Variants in TH observed in about 807,000 individuals in gnomAD.
TH encodes the protein tyrosine 3-monooxygenase.
Under a neutral mutation model 57.4 loss-of-function variants are expected in TH, and 49 were observed. The ratio of observed to expected loss-of-function variants is 0.85; its 90% CI spans 0.68 to 1.08. TH has a LOEUF of 1.08. Ranked by LOEUF, TH falls within the 50% of genes least tolerant of loss-of-function variation. The pLI is 0.00. For missense variants in TH, 720 were observed against 696.7 expected, an observed-to-expected ratio of 1.03 and a Z score of -0.38; for synonymous variants, 330 against 304.5, an observed-to-expected ratio of 1.08 and a Z score of -0.87.
chr11:2,171,566 G>A lies in TH; in HGVS notation c.90+131C>T, dbSNP rs987635049. 209 of 960,498 alleles carry A rather than the reference G, an allele frequency of 2.2e-4. 1 individual carries two copies. The African/African-American group carries it at 2.8e-3, about 13-fold the overall frequency. The allele number at this position is 960,498 out of a possible 1,614,324, so 59.5% of individuals were successfully genotyped here. On this transcript the variant is annotated intron_variant, in intron 1 of 12. Coordinates refer to ENST00000352909, the MANE Select transcript of TH (RefSeq NM_000360.4). This position sits in a 1 kb window ranked among gnomAD's most constrained non-coding sequence, Gnocchi z 8.6. Reference sequence around the variant, plus strand: ...GCTGTGCCCAGGCCTCCACATCCACGCCGCGTCCCAGGGGTTTGCATGGAC... The same window carrying A: ...GCTGTGCCCAGGCCTCCACATCCACACCGCGTCCCAGGGGTTTGCATGGAC...
chr11:2,166,142 C>T, intron 9 of TH, 84 bp from the exon 10 acceptor site: 1 of 1,431,800 alleles, frequency 7.0e-7, no homozygotes, highest in East Asian at 2.5e-5. Context: ...TCAGCAGCCC[C>T]TCCAGGGGTC....
chr11:2,165,117 TTTTC>T (rs2133688499), intron 12 of TH, 111 bp downstream of exon 12: 1 of 1,538,438 alleles, frequency 6.5e-7, no homozygotes, highest in African/African-American at 1.4e-5. Flanking sequence ...CAGGGGTCGG[TTTTC>T]TCATCTGTGA....
At chr11:2,167,199 G>C in intron 6 of TH, 167 bp from the exon 7 acceptor site, 4 of 1,131,324 alleles carry the variant, frequency 3.5e-6, no homozygotes, top group Non-Finnish European at 4.9e-6. Flanking sequence ...TGGCTTTAGG[G>C]AATCCCAGGG....
rs1260654495 is a variant in TH, at chr11:2,166,720, C to T, written c.890G>A (p.Arg297Gln). 5.2e-6 allele frequency: 8 copies of T among 1,551,518 alleles called. No individual in the cohort carries two copies. The highest frequency in any genetic ancestry group is 7.0e-6 in the Non-Finnish European group (8 of 1,147,652). ...LRPVAGLLSARDFLASLAFRV... is the reference protein window; with the variant it reads ...LRPVAGLLSAQDFLASLAFRV... ...GAAGGCCAGGCTGGCCAGGAAGTCCCGGGCGGACAGCAGGCCGGCCACAGG... is the reference window on the plus strand; with the variant it reads ...GAAGGCCAGGCTGGCCAGGAAGTCCTGGGCGGACAGCAGGCCGGCCACAGG... Residue 297 changes from arginine (R) to glutamine (Q), a missense_variant, in exon 8 of 13, where the codon CGG (arginine) becomes CAG (glutamine). Transcript: ENST00000352909.
In TH at chr11:2,168,685, AAG is replaced by A. The variant is rs771920445; in HGVS notation, c.313-22_313-21del. On this transcript the variant is annotated intron_variant, in intron 2 of 12. Transcript: ENST00000352909. ...AAACGTCTTAGGGAGCAAAAGCAGG[AAG>A]AGAGAGAGAAGGAGAAAGAGACAGA... is the stretch of plus-strand genomic sequence containing the variant. 13 of 1,374,468 alleles carry A rather than the reference AAG, an allele frequency of 9.5e-6. No homozygotes were observed. The highest frequency in any genetic ancestry group is 4.4e-5 in the East Asian group (1 of 22,934). The allele number at this position is 1,374,468 out of a possible 1,614,324, so 85.1% of individuals were successfully genotyped here.
rs759914498 is a variant in TH, at chr11:2,168,576, G to A, written c.402C>T (p.Leu134=). 9.9e-6 allele frequency: 16 copies of A among 1,611,674 alleles called. 1 individual carries two copies. Among genetic ancestry groups the A allele is most frequent in the South Asian group, 4.4e-5 (4 of 91,000 alleles). Residue 134 remains leucine (L), a synonymous_variant, in exon 3 of 13, where the codon CTC becomes CTT. Coordinates refer to ENST00000352909, the MANE Select transcript of TH (RefSeq NM_000360.4). ...GGPHLEYFVR[L]EVRRGDLAAL... ...CGGCCAGGTCCCCTCGGCGCACCTC[G>A]AGGCGCACGAAGTACTCCAGGTGGG...
Position 2,170,608 on chromosome 11 carries a change from A to T in TH, c.91-737T>A. 8.0e-7 allele frequency: 1 copy of T among 1,243,388 alleles called. No individual in the cohort carries two copies. Among genetic ancestry groups the T allele is most frequent in the Non-Finnish European group, 1.2e-6 (1 of 865,946 alleles). 77.0% of individuals were successfully genotyped at this position (1,243,388 alleles called of 1,614,324 possible). A position where few individuals can be genotyped will look rare whatever the true frequency, so the allele number is the denominator to read the frequency against. Reference sequence around the variant, plus strand: ...GCTCTGGGCCCCTTGTAAGAGAAGAATCAGCTTCATCCTGAGCTTCCAGGG... The same window carrying T: ...GCTCTGGGCCCCTTGTAAGAGAAGATTCAGCTTCATCCTGAGCTTCCAGGG... On this transcript the variant is annotated intron_variant, in intron 1 of 12. Transcript: ENST00000352909. The surrounding 1 kb of genome is among the most constrained non-coding windows in gnomAD (Gnocchi z 6.0).
rs1338821407 is a variant in TH, at chr11:2,170,692, T to G, written c.91-821A>C. 25 of 1,604,696 alleles carry G rather than the reference T, an allele frequency of 1.6e-5. No individual in the cohort carries two copies. The highest frequency in any genetic ancestry group is 2.0e-5 in the Non-Finnish European group (23 of 1,177,048). The stretch of plus-strand genomic sequence containing the variant: ...TCCCAGAGTCCCCTCTTACTTACCC[T>G]TGGGGTGGGGGTGTAGGATGCAGCT... On this transcript the variant is annotated intron_variant, in intron 1 of 12. Coordinates refer to ENST00000352909, the MANE Select transcript of TH (RefSeq NM_000360.4). The surrounding 1 kb of genome is among the most constrained non-coding windows in gnomAD (Gnocchi z 6.0).
chr11:2,169,980 G>C, intron 1 of TH, 109 bp from the exon 2 acceptor site: 2 of 1,158,098 alleles, frequency 1.7e-6, no homozygotes, highest in African/African-American at 1.5e-5. Flanking sequence ...AGAGGCAGGG[G>C]ATGAGAGCAC....
chr11:2,169,562 C>A, intron 2 of TH, 88 bp downstream of exon 2: 3 of 1,359,248 alleles, frequency 2.2e-6, no homozygotes, highest in Non-Finnish European at 2.1e-6. Flanking sequence ...GGCAGCTGCA[C>A]CTCTGCTATA....
Position 2,171,621 on chromosome 11 carries a change from G to C in TH, c.90+76C>G, listed in dbSNP as rs534190475. ...AGCCTGGGGCTGCCAGCCAGGCTGG[G>C]GAGTAGCAGAGGCAGCTGGCACCAG... On this transcript the variant is annotated intron_variant, in intron 1 of 12. Coordinates refer to ENST00000352909, the MANE Select transcript of TH (RefSeq NM_000360.4). This position sits in a 1 kb window ranked among gnomAD's most constrained non-coding sequence, Gnocchi z 8.6. The C allele has an allele frequency of 3.9e-6, 6 of 1,519,766 alleles. No individual in the cohort carries two copies. In the African/African-American group the frequency reaches 5.5e-5, roughly 14 times the overall value. 94.1% of individuals were successfully genotyped at this position (1,519,766 alleles called of 1,614,324 possible).
chr11:2,169,519 C>G, intron 2 of TH, 131 bp downstream of exon 2: 1 of 861,322 alleles, frequency 1.2e-6, no homozygotes, highest in African/African-American at 1.7e-5. Context: ...CTGAGACTCC[C>G]CTGCTGCATC....
Position 2,165,305 on chromosome 11 carries a change from G to A in TH, c.1261C>T (p.Pro421Ser). The change falls in exon 12 of 13, where the codon CCC becomes TCC. Residue 421 changes from proline (P) to serine (S), a missense_variant. By Grantham distance (74) the Pro-to-Ser change is moderately conservative (BLOSUM62 -1). Coordinates refer to ENST00000352909, the MANE Select transcript of TH (RefSeq NM_000360.4). Reference sequence around the variant, plus strand: ...GACTGGTACGTCTGGTCTTGGTAGGGCTGCACGGCCGCAGCCTCAGGGTCG... The same window carrying A: ...GACTGGTACGTCTGGTCTTGGTAGGACTGCACGGCCGCAGCCTCAGGGTCG... Reference protein sequence around the residue: ...AFDPEAAAVQPYQDQTYQSVY... With the variant: ...AFDPEAAAVQSYQDQTYQSVY... 1 of 1,612,748 alleles carries A rather than the reference G, an allele frequency of 6.2e-7. No homozygotes were observed. Among genetic ancestry groups the A allele is most frequent in the East Asian group, 2.2e-5 (1 of 44,866 alleles).
rs773288225 is a variant in TH at position 2,169,746 on chromosome 11, G to A, written c.216C>T (p.Ala72=). 7 of 1,612,780 alleles carry A rather than the reference G, an allele frequency of 4.3e-6. No homozygotes were observed. The Admixed American group carries it at 1.2e-4, about 27-fold the overall frequency. The change falls in exon 2 of 13, where the codon GCC becomes GCT. Residue 72 remains alanine, a synonymous_variant. Transcript: ENST00000352909. ...CGGCCTTCCCCTCCTTCTCCTCAAAGGCCACAGCCTCCAGGGGGTCCCCGG... is the reference window on the plus strand; with the variant it reads ...CGGCCTTCCCCTCCTTCTCCTCAAAAGCCACAGCCTCCAGGGGGTCCCCGG... The part of the protein sequence containing the change: ...SEPGDPLEAV[A]FEEKEGKAVL...
intron 5 of TH, 123 bp from the exon 6 acceptor site, chr11:2,167,608 G>T: frequency 7.9e-7 from 1 of 1,270,698 alleles, no homozygotes; most frequent in Non-Finnish European, 1.1e-6. Flanking sequence ...TGGGTTGGAG[G>T]ATGGACAGGA....
chr11:2,166,439 G>A, intron 9 of TH, 41 bp downstream of exon 9: 1 of 1,539,658 alleles, frequency 6.5e-7, no homozygotes, highest in Non-Finnish European at 8.7e-7. Context: ...CGCCAAGCCA[G>A]CCCCTGGGTG....
Position 2,164,147 on chromosome 11 carries a change from G to A in TH, c.*86C>T, listed in dbSNP as rs1282468859. On this transcript the variant is annotated 3_prime_UTR_variant, in exon 13 of 13. Transcript: ENST00000352909. ...AGCAGGGAGGGCATGGGGGGCACCC[G>A]GGACCCAGCCCCTCACCAGGGCCTG... 15 of 1,252,828 alleles carry A rather than the reference G, an allele frequency of 1.2e-5. No individual in the cohort carries two copies. Among genetic ancestry groups the A allele is most frequent in the Middle Eastern group, 2.9e-4 (1 of 3,390 alleles). The allele number at this position is 1,252,828 out of a possible 1,614,324, so 77.6% of individuals were successfully genotyped here.
chr11:2,165,021 G>T (rs991695175), intron 12 of TH, among the ~76,000 whole-genome samples: 4 of 152,174 alleles, frequency 2.6e-5, no homozygotes, highest in African/African-American at 4.8e-5. Context: ...CCACCCAGCA[G>T]CCCCCAGTCC....
intron 11 of TH, 81 bp downstream of exon 11, chr11:2,165,587 C>T: frequency 6.7e-7 from 1 of 1,482,704 alleles, no homozygotes; most frequent in Non-Finnish European, 9.3e-7. Flanking sequence ...CAGTTTCCTC[C>T]CACTGGGAGC....
Sources: gnomAD v4.1 joint callset for allele counts (sites outside exome capture counted in the v4.1 genomes callset) on GRCh38, gnomAD v4.1.1 for gene constraint, Gnocchi (gnomAD v3.1) non-coding constraint, MANE v1.5 for transcripts, NCBI Gene and HGNC (gene_info 2026-07-23, HGNC 2026-07-21) for gene names.